FTO: variants seen among roughly 807,000 people sequenced by gnomAD.
The protein encoded by FTO is alpha-ketoglutarate-dependent dioxygenase FTO.
Under a neutral mutation model 63.9 loss-of-function variants are expected in FTO, and 47 were observed. The observed-to-expected ratio is 0.74, with a 90% CI of 0.58 to 0.94. The LOEUF (loss-of-function observed/expected upper bound fraction) is 0.94. Ranked by LOEUF, FTO falls within the 40% of genes least tolerant of loss-of-function variation. FTO has a pLI of 0.00. For synonymous variants in FTO, 207 were observed against 224.4 expected, an observed-to-expected ratio of 0.92 and a Z score of 0.69; for missense variants, 562 against 618.1, an observed-to-expected ratio of 0.91 and a Z score of 0.96.
chr16:54,029,306 C>T (rs1305842044), intron 8 of FTO, among the ~76,000 whole-genome samples: 1 of 152,182 alleles, frequency 6.6e-6, no homozygotes, highest in Non-Finnish European at 1.5e-5. Context: ...TGAGAGTTAC[C>T]TAATTAGACT....
chr16:53,723,840 T>G (rs188220421), intron 1 of FTO, among the ~76,000 whole-genome samples: 1 of 152,250 alleles, frequency 6.6e-6, no homozygotes, highest in Non-Finnish European at 1.5e-5. Flanking sequence ...ATAGGGTTTT[T>G]GGGGCCACAT....
chr16:53,988,403 G>A (rs1442292728), intron 8 of FTO, among the ~76,000 whole-genome samples: 4 of 152,244 alleles, frequency 2.6e-5, no homozygotes, highest in Middle Eastern at 6.8e-3. Flanking sequence ...GGGCTATGAA[G>A]AAAAAATTCT....
chr16:53,921,921 T>G (rs2151956268), intron 7 of FTO, among the ~76,000 whole-genome samples: 1 of 152,314 alleles, frequency 6.6e-6, no homozygotes, highest in East Asian at 1.9e-4. Context: ...CCAACACTAC[T>G]ATTGAGGTAA....
chr16:54,060,266 A>G (rs2085538697), intron 8 of FTO, among the ~76,000 whole-genome samples: 1 of 152,134 alleles, frequency 6.6e-6, no homozygotes, highest in Non-Finnish European at 1.5e-5. Flanking sequence ...TTCAAATCGT[A>G]CTCTGGGTTC....
rs202115924 is a variant in FTO at position 53,853,702 on chromosome 16, C to G, written c.895+9404C>G. ...TATTTCATGGTATATATACATGCCA[C>G]ATTTTCTTTATCTACTCAACAGTTG... On this transcript the variant is annotated intron_variant, in intron 4 of 8. Transcript: ENST00000471389. 1.1e-4 allele frequency among the ~76,000 whole-genome samples: 17 copies of G among 152,222 alleles called. No homozygotes were observed. In the East Asian group the frequency reaches 3.1e-3, roughly 28 times the overall value.
intron 2 of FTO, among the ~76,000 whole-genome samples, chr16:53,819,851 C>T (rs1212425837): frequency 6.6e-6 from 1 of 152,096 alleles, no homozygotes; most frequent in Non-Finnish European, 1.5e-5. Flanking sequence ...AAAGATCTCT[C>T]ATGCCTCTTT....
At chr16:53,767,863 C>G (rs751691369) in intron 1 of FTO, among the ~76,000 whole-genome samples, 3 of 152,102 alleles carry the variant, frequency 2.0e-5, no homozygotes, top group Non-Finnish European at 4.4e-5. Flanking sequence ...TCATATAAAA[C>G]ATTTTGACTT....
intron 1 of FTO, among the ~76,000 whole-genome samples, chr16:53,705,699 T>G (rs1450835008): frequency 6.6e-6 from 1 of 152,206 alleles, no homozygotes; most frequent in Non-Finnish European, 1.5e-5. Context: ...ATATTAAAGA[T>G]AAGCACAAAG....
chr16:53,950,169 A>AC (rs2082751047), intron 8 of FTO, among the ~76,000 whole-genome samples: 1 of 148,264 alleles, frequency 6.7e-6, no homozygotes. Flanking sequence ...AAAAAAAAAA[A>AC]AAAAAAAAAA....
chr16:53,802,418 A>C (rs2078251954), intron 1 of FTO, among the ~76,000 whole-genome samples: 1 of 152,186 alleles, frequency 6.6e-6, no homozygotes, highest in South Asian at 2.1e-4. Flanking sequence ...TTGAATCCAT[A>C]AATGGGAAAC....
chr16:53,885,874 A>T (rs2080983267), intron 6 of FTO, among the ~76,000 whole-genome samples: 1 of 152,176 alleles, frequency 6.6e-6, no homozygotes. Context: ...CAGCCATCTA[A>T]GTAGCTGGGA....
At chr16:53,979,930 G>C (rs2083505361) in intron 8 of FTO, among the ~76,000 whole-genome samples, 2 of 152,154 alleles carry the variant, frequency 1.3e-5, no homozygotes, top group Admixed American at 1.3e-4. Flanking sequence ...TCCACAGGAA[G>C]CCTTAAGCCA....
chr16:54,070,290 G>A (rs1276146388), intron 8 of FTO: 1 of 151,996 alleles, frequency 6.6e-6, no homozygotes, highest in African/African-American at 2.4e-5. Context: ...AGGACATCCT[G>A]ATTTTATATA....
intron 7 of FTO, chr16:53,911,149 G>C: frequency 1.9e-6 from 1 of 517,206 alleles, no homozygotes; most frequent in Non-Finnish European, 3.5e-6. Flanking sequence ...TCATGTGCCA[G>C]GCAGTGTTCT....
At chr16:54,052,598 C>T (rs2085337718) in intron 8 of FTO, 1 of 152,184 alleles carries the variant, frequency 6.6e-6, no homozygotes, top group Non-Finnish European at 1.5e-5. Context: ...TGTGTGCCTT[C>T]CTTTTCAAGG....
In FTO at chr16:54,113,493, T is replaced by C. The variant is rs562455668; in HGVS notation, c.*1578T>C. ...ATTAAGCAAAGCAGCCAGGGTCTCA[T>C]CGTGTTGAGACTCGAGTCTCTCAGA... On this transcript the variant is annotated 3_prime_UTR_variant, in exon 9 of 9. Coordinates refer to ENST00000471389, the MANE Select transcript of FTO (RefSeq NM_001080432.3). The C allele has an allele frequency of 1.3e-5, 2 of 152,324 alleles. No homozygotes were observed. The highest frequency in any genetic ancestry group is 6.5e-5 in the Admixed American group (1 of 15,310). The allele number at this position is 152,324 out of a possible 1,614,324, so 9.4% of individuals were successfully genotyped here.
intron 8 of FTO, among the ~76,000 whole-genome samples, chr16:53,996,264 C>T (rs1335456729): frequency 6.6e-6 from 1 of 152,118 alleles, no homozygotes; most frequent in Admixed American, 6.6e-5. Flanking sequence ...CTAACTGATT[C>T]AGTTACTTTT....
chr16:53,881,218 G>C (rs375911182), intron 6 of FTO, among the ~76,000 whole-genome samples: 12 of 152,258 alleles, frequency 7.9e-5, no homozygotes, highest in African/African-American at 2.9e-4. Context: ...CCCAGCTTCT[G>C]TTTCTATAGG....
At chr16:54,086,571 A>G (rs1188536718) in intron 8 of FTO, among the ~76,000 whole-genome samples, 2 of 152,224 alleles carry the variant, frequency 1.3e-5, no homozygotes, top group Non-Finnish European at 1.5e-5. Flanking sequence ...ATCTTTTTAA[A>G]TCTGCATTGT....
Sources: gnomAD v4.1 joint callset for allele counts (sites outside exome capture counted in the v4.1 genomes callset) on GRCh38, gnomAD v4.1.1 for gene constraint, MANE v1.5 for transcripts, NCBI Gene and HGNC (gene_info 2026-07-23, HGNC 2026-07-21) for gene names.